The following IGF2BP3 variants were observed in gnomAD, a reference collection of about 807,000 sequenced individuals.
IGF2BP3 encodes the protein insulin-like growth factor 2 mRNA-binding protein 3.
A neutral mutation model predicts 73.8 loss-of-function variants in IGF2BP3; 9 were observed. That is an observed-to-expected ratio of 0.12 (90% confidence interval 0.07 to 0.21). The LOEUF (loss-of-function observed/expected upper bound fraction) is 0.21. IGF2BP3 is among the 10% of genes least tolerant of loss of function. The pLI is 1.00. For missense variants in IGF2BP3, 542 were observed against 714.0 expected (o/e 0.76, Z 2.75); for synonymous variants, 258 against 256.7 (o/e 1.01, Z -0.05).
chr7:23,319,018 T>A, intron 11 of IGF2BP3, 120 bp downstream of exon 11: 1 of 693,510 alleles, frequency 1.4e-6, no homozygotes, highest in East Asian at 2.7e-5. Context: ...GGTTTCTTCA[T>A]ATCCTTATGT....
At chr7:23,434,665 T>C (rs1271809274) in intron 2 of IGF2BP3, among the ~76,000 whole-genome samples, 1 of 152,174 alleles carries the variant, frequency 6.6e-6, no homozygotes, top group African/African-American at 2.4e-5. Context: ...AGATATAATT[T>C]CACTAGGCTT....
In IGF2BP3 at chr7:23,428,527, A is replaced by AT. The variant is rs1404690380; in HGVS notation, c.237-9704_237-9703insA. ...TTTGATGCTGTATAAAAGAAAAAAA[A>AT]AATATATATATATAATATATATTTT... On this transcript the variant is annotated intron_variant, in intron 2 of 14. Transcript: ENST00000258729. Among the ~76,000 whole-genome samples the AT allele has an allele frequency of 3.0e-3, 445 of 147,152 alleles. 2 individuals carry two copies. Among genetic ancestry groups the AT allele is most frequent in the South Asian group, 5.5e-3 (26 of 4,758 alleles).
chr7:23,354,002 A>AT (rs895177470), intron 5 of IGF2BP3, among the ~76,000 whole-genome samples: 1 of 152,016 alleles, frequency 6.6e-6, no homozygotes, highest in East Asian at 1.9e-4. Flanking sequence ...TTATTTATTT[A>AT]TTTTTTTTGA....
At position 23,331,859 on chromosome 7, in the gene IGF2BP3, G is replaced by GA. The variant is rs35506768; in HGVS notation, c.1203+10204dup. Among the ~76,000 whole-genome samples the GA allele has an allele frequency of 6.1e-3, 581 of 95,916 alleles. 5 individuals are homozygous for GA. Among genetic ancestry groups the GA allele is most frequent in the African/African-American group, 0.019 (415 of 21,906 alleles). 62.9% of individuals were successfully genotyped at this position (95,916 alleles called of 152,430 possible). The stretch of plus-strand genomic sequence containing the variant: ...TGGGTGACAGAGCGAAACTGTCTCA[G>GA]AAAAAAAAAAAAAAGAAAAAAAAAA... On this transcript the variant is annotated intron_variant, in intron 10 of 14. Coordinates refer to ENST00000258729, the MANE Select transcript of IGF2BP3 (RefSeq NM_006547.3).
chr7:23,375,015 G>C (rs941499090), intron 3 of IGF2BP3, among the ~76,000 whole-genome samples: 1 of 152,250 alleles, frequency 6.6e-6, no homozygotes, highest in Non-Finnish European at 1.5e-5. Context: ...TTTTAAAAAG[G>C]TATGTGTATA....
At chr7:23,323,666 G>A (rs947137745) in intron 10 of IGF2BP3, among the ~76,000 whole-genome samples, 11 of 151,870 alleles carry the variant, frequency 7.2e-5, no homozygotes, top group Non-Finnish European at 1.3e-4. Flanking sequence ...CCACATACTT[G>A]GAAGTAAAGC....
At chr7:23,411,643 T>C (rs75852153) in intron 3 of IGF2BP3, among the ~76,000 whole-genome samples, 3,072 of 152,328 alleles carry the variant, frequency 0.02, 55 homozygotes, top group Non-Finnish European at 0.034. Flanking sequence ...TGTATCCACA[T>C]GGACCAAGTA....
At chr7:23,340,008 T>C (rs548429202) in intron 10 of IGF2BP3, among the ~76,000 whole-genome samples, 13 of 152,312 alleles carry the variant, frequency 8.5e-5, no homozygotes, top group African/African-American at 3.1e-4. Context: ...CCTTAAAGGC[T>C]TTAGACACAA....
chr7:23,343,679 T>C (rs1784764848), intron 9 of IGF2BP3, 39 bp downstream of exon 9: 1 of 1,553,646 alleles, frequency 6.4e-7, no homozygotes, highest in Non-Finnish European at 8.8e-7. Context: ...TTTTAACTAT[T>C]TGTTAAAATA....
At chr7:23,388,177 T>A (rs932607121) in intron 3 of IGF2BP3, among the ~76,000 whole-genome samples, 56 of 152,102 alleles carry the variant, frequency 3.7e-4, no homozygotes, top group African/African-American at 1.2e-3. Context: ...GACCTCAAGA[T>A]CCACCTGCCT....
intron 3 of IGF2BP3, among the ~76,000 whole-genome samples, chr7:23,401,450 C>A (rs963923873): frequency 6.6e-6 from 1 of 152,130 alleles, no homozygotes; most frequent in Non-Finnish European, 1.5e-5. Context: ...AGCAGGAAGT[C>A]TTCTGAAATT....
chr7:23,373,062 C>A (rs1201006053), intron 3 of IGF2BP3, among the ~76,000 whole-genome samples: 1 of 152,194 alleles, frequency 6.6e-6, no homozygotes, highest in Non-Finnish European at 1.5e-5. Flanking sequence ...CCGACGGAAA[C>A]CAGTTCAATC....
At chr7:23,430,153 G>A (rs1012807408) in intron 2 of IGF2BP3, among the ~76,000 whole-genome samples, 5 of 148,552 alleles carry the variant, frequency 3.4e-5, no homozygotes, top group Non-Finnish European at 4.4e-5. Flanking sequence ...GCACGATCTC[G>A]GCTCACTGCA....
At chr7:23,392,699 G>A (rs1443569546) in intron 3 of IGF2BP3, among the ~76,000 whole-genome samples, 2 of 151,894 alleles carry the variant, frequency 1.3e-5, no homozygotes, top group African/African-American at 2.4e-5. Flanking sequence ...GCATGATCAC[G>A]GCTCACTGCA....
chr7:23,435,600 C>T (rs545990893), intron 2 of IGF2BP3, among the ~76,000 whole-genome samples: 5 of 151,880 alleles, frequency 3.3e-5, no homozygotes, highest in Non-Finnish European at 5.9e-5. Flanking sequence ...GGATTACAGG[C>T]GCCCACCACC....
In IGF2BP3 at chr7:23,432,842, G is replaced by A. The variant is rs117163136; in HGVS notation, c.237-14018C>T. 9.7e-3 allele frequency among the ~76,000 whole-genome samples: 1,484 copies of A among 152,206 alleles called. 11 individuals carry two copies. Among genetic ancestry groups the A allele is most frequent in the South Asian group, 0.024 (117 of 4,818 alleles). Reference sequence around the variant, plus strand: ...TTTTCATAAGCTGTGGTTTCACCACGTTGCCCAGACTGGTCCTGGGCTCAA... The same window carrying A: ...TTTTCATAAGCTGTGGTTTCACCACATTGCCCAGACTGGTCCTGGGCTCAA... On this transcript the variant is annotated intron_variant, in intron 2 of 14. Coordinates refer to ENST00000258729, the MANE Select transcript of IGF2BP3 (RefSeq NM_006547.3).
chr7:23,444,742 CAAAAAA>C (rs56029431), intron 2 of IGF2BP3, among the ~76,000 whole-genome samples: 1 of 82,888 alleles, frequency 1.2e-5, no homozygotes, highest in Non-Finnish European at 2.4e-5. Context: ...GACTCTGTCT[CAAAAAA>C]AAAAAAAAAA....
chr7:23,464,697 TAAATAA>T (rs553665310), intron 2 of IGF2BP3, among the ~76,000 whole-genome samples: 2,860 of 147,166 alleles, frequency 0.019, 88 homozygotes, highest in African/African-American at 0.066. Flanking sequence ...AAAAAATAAA[TAAATAA>T]AAATAAAAAT....
rs562452794 is a variant in IGF2BP3, at chr7:23,470,241, G to A, written c.-131C>T. Reference sequence around the variant, plus strand: ...CCTTTAAAATACACAAACACAGTAAGAACCAAGCACAAGAACGAGGAGTGA... The same window carrying A: ...CCTTTAAAATACACAAACACAGTAAAAACCAAGCACAAGAACGAGGAGTGA... On this transcript the variant is annotated 5_prime_UTR_variant, in exon 1 of 15. Transcript: ENST00000258729. 1.5e-3 allele frequency: 994 copies of A among 663,440 alleles called. 2 individuals are homozygous for A. Among genetic ancestry groups the A allele is most frequent in the Non-Finnish European group, 2.1e-3 (827 of 394,920 alleles). The allele number at this position is 663,440 out of a possible 1,614,324, so 41.1% of individuals were successfully genotyped here. A position where few individuals can be genotyped will look rare whatever the true frequency, so the allele number is the denominator to read the frequency against.
Sources: allele counts gnomAD v4.1 joint callset (sites outside exome capture counted in the v4.1 genomes callset), GRCh38; gene constraint gnomAD v4.1.1; transcripts MANE v1.5; gene names NCBI Gene and HGNC (gene_info 2026-07-23, HGNC 2026-07-21).